ASCC3: variants seen among roughly 807,000 people sequenced by gnomAD.
ASCC3 encodes the protein ASC-1 complex subunit P200.
ASCC3 carries 158 observed loss-of-function variants against 256.3 expected under a neutral mutation model. The ratio of observed to expected loss-of-function variants is 0.62; its 90% confidence interval spans 0.54 to 0.70. The LOEUF (loss-of-function observed/expected upper bound fraction) is 0.70. Among genes scored for constraint, ASCC3 ranks in the 30% least tolerant of loss-of-function variants. ASCC3 has a pLI of 0.00. For missense variants in ASCC3, 2,259 were observed against 2,626.0 expected, an observed-to-expected ratio of 0.86 and a Z score of 3.05; for synonymous variants, 948 against 883.4, an observed-to-expected ratio of 1.07 and a Z score of -1.30.
chr6:100,578,807 G>C (rs747152121), intron 36 of ASCC3, among the ~76,000 whole-genome samples: 1 of 152,036 alleles, frequency 6.6e-6, no homozygotes, highest in Non-Finnish European at 1.5e-5. Flanking sequence ...GGGTCAAATG[G>C]TAGTTCTGTT....
rs377313403 is a variant in ASCC3 at position 100,605,722 on chromosome 6, GAT to G, written c.5045-24_5045-23del. 9.2e-4 allele frequency: 1,476 copies of G among 1,612,530 alleles called. 20 individuals are homozygous for G. In the East Asian group the frequency reaches 0.028, roughly 30 times the overall value. On this transcript the variant is annotated intron_variant, in intron 32 of 41. Transcript: ENST00000369162. ...ACATCTTTAAAAGAGAGAACAAAGA[GAT>G]ATTCTACAATGTGGCATATAGCACA... is the stretch of plus-strand genomic sequence containing the variant.
chr6:100,862,923 C>A (rs1773295563), intron 3 of ASCC3, among the ~76,000 whole-genome samples: 1 of 152,080 alleles, frequency 6.6e-6, no homozygotes. Context: ...ACAGAGCATT[C>A]CCAACACAGA....
chr6:100,583,433 A>G (rs1301242528), intron 36 of ASCC3, among the ~76,000 whole-genome samples: 1 of 151,968 alleles, frequency 6.6e-6, no homozygotes, highest in Admixed American at 6.6e-5. Context: ...CGGTGGTGAT[A>G]TCCCCTTTAT....
rs762274304 is a variant in ASCC3, at chr6:100,509,991, T to G, written c.6402A>C (p.Gly2134=). 3 of 1,614,012 alleles carry G rather than the reference T, an allele frequency of 1.9e-6. No individual in the cohort carries two copies. The Admixed American group carries it at 5.0e-5, about 27-fold the overall frequency. ...AAGCAACATGATGATTTCGAATATA[T>G]CCTACTCTTTTCAAAGCAATAAGTT... The part of the protein sequence containing the change: ...KRELIALKRV[G]YIRNHHVASL... The change falls in exon 41 of 42, where the codon GGA becomes GGC. Residue 2134 remains glycine, a synonymous_variant. Transcript: ENST00000369162.
chr6:100,701,185 A>G (rs924077149), intron 13 of ASCC3, among the ~76,000 whole-genome samples: 4 of 152,226 alleles, frequency 2.6e-5, no homozygotes, highest in African/African-American at 9.6e-5. Flanking sequence ...AGCTTGATCT[A>G]TGTTGAATCT....
At chr6:100,762,130 T>G (rs1205549118) in intron 10 of ASCC3, among the ~76,000 whole-genome samples, 1 of 152,204 alleles carries the variant, frequency 6.6e-6, no homozygotes, top group Admixed American at 6.5e-5. Context: ...TGCAATTGCT[T>G]GGGCCTAAGA....
intron 14 of ASCC3, among the ~76,000 whole-genome samples, chr6:100,672,252 G>C (rs989914904): frequency 6.6e-6 from 1 of 151,874 alleles, no homozygotes; most frequent in Non-Finnish European, 1.5e-5. Flanking sequence ...CAGAATATAA[G>C]CTCCATAAGC....
chr6:100,512,001 G>A (rs1451256089), intron 40 of ASCC3, among the ~76,000 whole-genome samples: 1 of 152,094 alleles, frequency 6.6e-6, no homozygotes, highest in Admixed American at 6.6e-5. Context: ...TAATTATTAT[G>A]GCACTAAAAA....
chr6:100,538,380 C>T (rs190428065), intron 37 of ASCC3, among the ~76,000 whole-genome samples: 8 of 152,060 alleles, frequency 5.3e-5, no homozygotes, highest in Non-Finnish European at 7.4e-5. Context: ...AGTGTAAAAA[C>T]GTGTTACATG....
chr6:100,586,005 C>T (rs917666802), intron 36 of ASCC3, among the ~76,000 whole-genome samples: 3 of 152,146 alleles, frequency 2.0e-5, no homozygotes, highest in Non-Finnish European at 4.4e-5. Flanking sequence ...GGGGTGCCTC[C>T]CAGTTAGGCT....
intron 17 of ASCC3, 74 bp from the exon 18 acceptor site, chr6:100,652,963 G>T: frequency 7.0e-7 from 1 of 1,420,572 alleles, no homozygotes; most frequent in East Asian, 2.3e-5. Flanking sequence ...ATTTATTTAT[G>T]GAAATTAAAA....
chr6:100,815,755 G>A (rs912588038), intron 4 of ASCC3, among the ~76,000 whole-genome samples: 23 of 151,928 alleles, frequency 1.5e-4, no homozygotes, highest in South Asian at 2.1e-4. Flanking sequence ...TCCTTACACC[G>A]TATAAAAAAT....
At chr6:100,540,496 A>G (rs1775403334) in intron 36 of ASCC3, 109 bp from the exon 37 acceptor site, 8 of 925,208 alleles carry the variant, frequency 8.6e-6, no homozygotes, top group South Asian at 1.5e-5. Context: ...TACAATAACC[A>G]TATCCCTTAG....
At chr6:100,630,768 A>G (rs1027004535) in intron 26 of ASCC3, among the ~76,000 whole-genome samples, 1 of 152,088 alleles carries the variant, frequency 6.6e-6, no homozygotes, top group African/African-American at 2.4e-5. Context: ...ATGCCTTCTA[A>G]GCAGTTTCTG....
At chr6:100,713,528 A>G (rs1778952233) in intron 13 of ASCC3, among the ~76,000 whole-genome samples, 1 of 152,180 alleles carries the variant, frequency 6.6e-6, no homozygotes, top group Non-Finnish European at 1.5e-5. Flanking sequence ...GCAATGTACA[A>G]AACAAAGAGT....
chr6:100,877,811 T>C (rs1435684482), intron 1 of ASCC3, among the ~76,000 whole-genome samples: 2 of 152,226 alleles, frequency 1.3e-5, no homozygotes, highest in Non-Finnish European at 2.9e-5. Context: ...TCTTTTAGTC[T>C]GTTTCAATCA....
chr6:100,820,576 T>TAAA (rs368343129), intron 4 of ASCC3, among the ~76,000 whole-genome samples: 6 of 151,244 alleles, frequency 4.0e-5, no homozygotes, highest in African/African-American at 1.2e-4. Flanking sequence ...GTAGATATGG[T>TAAA]AAAAAAAAAT....
At chr6:100,528,902 T>C (rs1179253610) in intron 37 of ASCC3, among the ~76,000 whole-genome samples, 1 of 152,192 alleles carries the variant, frequency 6.6e-6, no homozygotes, top group Non-Finnish European at 1.5e-5. Flanking sequence ...TCTTCCTCAA[T>C]AGTAAAGAGG....
At chr6:100,790,363 G>A (rs1769294899) in intron 8 of ASCC3, among the ~76,000 whole-genome samples, 1 of 151,966 alleles carries the variant, frequency 6.6e-6, no homozygotes, top group Non-Finnish European at 1.5e-5. Context: ...CAGGATCATA[G>A]TTCTAAACCT....
Sources: gnomAD v4.1 joint callset for allele counts (sites outside exome capture counted in the v4.1 genomes callset) on GRCh38, gnomAD v4.1.1 for gene constraint, MANE v1.5 for transcripts, NCBI Gene and HGNC (gene_info 2026-07-23, HGNC 2026-07-21) for gene names.